Variants in MAP3K7 observed in about 807,000 individuals in gnomAD.
MAP3K7 encodes TGF-beta activated kinase 1.
A neutral mutation model predicts 84.8 loss-of-function variants in MAP3K7; 21 were observed. That is an observed-to-expected ratio of 0.25 (90% confidence interval 0.18 to 0.36). The LOEUF (loss-of-function observed/expected upper bound fraction) is 0.36. MAP3K7 is among the 10% of genes least tolerant of loss of function. The pLI is 1.00. For missense variants in MAP3K7, 503 were observed against 747.7 expected (o/e 0.67, Z 3.82); for synonymous variants, 241 against 247.7 (o/e 0.97, Z 0.25).
chr6:90,532,830 A>G (rs12175373), intron 13 of MAP3K7, among the ~76,000 whole-genome samples: 3,943 of 152,332 alleles, frequency 0.026, 63 homozygotes, highest in South Asian at 0.044. Flanking sequence ...ATCACTTAAC[A>G]ACTGTTTAAA....
chr6:90,529,060 G>A (rs1775412873), intron 13 of MAP3K7, among the ~76,000 whole-genome samples: 1 of 152,138 alleles, frequency 6.6e-6, no homozygotes, highest in South Asian at 2.1e-4. Context: ...TACAAGGCCA[G>A]ACCTTGTGTT....
chr6:90,571,053 T>G (rs1175714238), intron 2 of MAP3K7, among the ~76,000 whole-genome samples: 1 of 152,160 alleles, frequency 6.6e-6, no homozygotes, highest in African/African-American at 2.4e-5. Context: ...AACAGAGATA[T>G]AAATTCAGAA....
intron 15 of MAP3K7, 22 bp from the exon 16 acceptor site, chr6:90,518,584 A>G: frequency 8.1e-7 from 1 of 1,241,120 alleles, no homozygotes; most frequent in Non-Finnish European, 1.2e-6. Context: ...CAGGAATGTT[A>G]AAACATAATT....
chr6:90,519,134 T>A, intron 15 of MAP3K7, 124 bp downstream of exon 15: 1 of 631,286 alleles, frequency 1.6e-6, no homozygotes, highest in South Asian at 1.9e-5. Context: ...CTAAAAAGTT[T>A]AAGGAGGCCA....
intron 6 of MAP3K7, among the ~76,000 whole-genome samples, chr6:90,554,181 A>T (rs1323459292): frequency 6.6e-6 from 1 of 152,178 alleles, no homozygotes; most frequent in Non-Finnish European, 1.5e-5. Context: ...CGCTGGGATC[A>T]CAGGCATGAG....
At position 90,518,544 on chromosome 6, in the gene MAP3K7, T is replaced by C; in HGVS notation, c.1543A>G (p.Asn515Asp). The C allele has an allele frequency of 3.1e-6, 5 of 1,599,934 alleles. No homozygotes were observed. Among genetic ancestry groups the C allele is most frequent in the South Asian group, 1.1e-5 (1 of 90,252 alleles). Residue 515 changes from asparagine to aspartate, a missense_variant, in exon 16 of 17, where the codon AAC becomes GAC. Asn to Asp is a conservative substitution (Grantham distance 23). Around this residue, in one of 5 missense-constraint regions of MAP3K7, gnomAD observed 36 missense variants for 74.5 expected, o/e 0.48. Coordinates refer to ENST00000369329, the MANE Select transcript of MAP3K7 (RefSeq NM_145331.3). ...HQLQPLAPCP[N>D]SKESMAVFEQ... Reference sequence around the variant, plus strand: ...AACACTGCCATAGATTCTTTGGAGTTTGGGCACGGTGCTAGAGGCTGAAAA... The same window carrying C: ...AACACTGCCATAGATTCTTTGGAGTCTGGGCACGGTGCTAGAGGCTGAAAA...
chr6:90,555,974 CA>C (rs1776324913), intron 6 of MAP3K7, among the ~76,000 whole-genome samples: 1 of 152,114 alleles, frequency 6.6e-6, no homozygotes, highest in Non-Finnish European at 1.5e-5. Context: ...GCTTGAGGGC[CA>C]TTTTAAGTAG....
chr6:90,551,915 T>C (rs1776190734), intron 8 of MAP3K7, 134 bp downstream of exon 8: 1 of 925,734 alleles, frequency 1.1e-6, no homozygotes, highest in Non-Finnish European at 1.5e-6. Context: ...GAGTAATAAA[T>C]GCCCATTCTC....
At chr6:90,559,520 C>T (rs1776440823) in intron 5 of MAP3K7, among the ~76,000 whole-genome samples, 1 of 151,828 alleles carries the variant, frequency 6.6e-6, no homozygotes, top group African/African-American at 2.4e-5. Flanking sequence ...CAAACAAAAC[C>T]CCCAAAGTTT....
intron 5 of MAP3K7, among the ~76,000 whole-genome samples, chr6:90,559,247 C>T (rs1253792979): frequency 2.0e-5 from 3 of 152,012 alleles, no homozygotes; most frequent in African/African-American, 7.2e-5. Context: ...CAGATTAGAC[C>T]TGAGAGTGAC....
At chr6:90,532,188 T>C (rs566564287) in intron 13 of MAP3K7, among the ~76,000 whole-genome samples, 2 of 152,316 alleles carry the variant, frequency 1.3e-5, no homozygotes, top group East Asian at 3.9e-4. Context: ...ATAAGAGACC[T>C]TTAAAGCAAA....
chr6:90,570,395 A>C (rs1218027925), intron 2 of MAP3K7, among the ~76,000 whole-genome samples: 4 of 152,198 alleles, frequency 2.6e-5, no homozygotes, highest in Non-Finnish European at 5.9e-5. Context: ...CAAATGAGCT[A>C]ATCAAAGGAT....
chr6:90,556,307 G>C (rs1217018323), intron 6 of MAP3K7, among the ~76,000 whole-genome samples, 193 bp downstream of exon 6: 1 of 152,164 alleles, frequency 6.6e-6, no homozygotes, highest in Non-Finnish European at 1.5e-5. Flanking sequence ...CATATGCTTA[G>C]AAGCATAGAA....
rs1159926771 is a variant in MAP3K7 at position 90,586,836 on chromosome 6, A to G, written c.48T>C (p.Gly16=). The change falls in exon 1 of 17, where the codon GGT becomes GGC. Residue 16 remains glycine (G), a synonymous_variant. Coordinates refer to ENST00000369329, the MANE Select transcript of MAP3K7 (RefSeq NM_145331.3). ...CCTGGGAAGGGGCTTCGATCATCTC[A>G]CCGGCCGAAGACGAGGAGGAGGAGG... is the stretch of plus-strand genomic sequence containing the variant. ...AASSSSSSSA[G]EMIEAPSQVL... The G allele has an allele frequency of 6.2e-7, 1 of 1,610,716 alleles. No homozygotes were observed. Among genetic ancestry groups the G allele is most frequent in the South Asian group, 1.1e-5 (1 of 91,002 alleles).
chr6:90,577,471 AGTTGG>A (rs766422519), intron 1 of MAP3K7, among the ~76,000 whole-genome samples: 10,686 of 152,294 alleles, frequency 0.07, 370 homozygotes, highest in South Asian at 0.087. Context: ...CTAGTCAATC[AGTTGG>A]AAGAGGTAAC....
At chr6:90,582,425 G>A (rs1040503053) in intron 1 of MAP3K7, among the ~76,000 whole-genome samples, 1 of 152,200 alleles carries the variant, frequency 6.6e-6, no homozygotes, top group Non-Finnish European at 1.5e-5. Context: ...TGAATAAAGC[G>A]CCTTACATTT....
intron 1 of MAP3K7, among the ~76,000 whole-genome samples, chr6:90,576,356 G>A (rs759887666): frequency 2.3e-4 from 35 of 151,760 alleles, no homozygotes; most frequent in Non-Finnish European, 4.9e-4. Flanking sequence ...CTGAGAGGCC[G>A]AGGTTGCAGT....
intron 12 of MAP3K7, among the ~76,000 whole-genome samples, chr6:90,543,091 GT>G: frequency 5.4e-5 from 1 of 18,562 alleles, no homozygotes; most frequent in South Asian, 1.6e-3. Flanking sequence ...CAGTTCAGCG[GT>G]ATGTAAGTTT....
At position 90,516,075 on chromosome 6, in the gene MAP3K7, G is replaced by GA. The variant is rs1050040199; in HGVS notation, c.*425dup. ...TAACTTGGTATATACCATCTTTTGG[G>GA]AAAAAAATTATTAATATTTTGAGAT... On this transcript the variant is annotated 3_prime_UTR_variant, in exon 17 of 17. Coordinates refer to ENST00000369329, the MANE Select transcript of MAP3K7 (RefSeq NM_145331.3). The GA allele has an allele frequency of 1.0e-4, 19 of 182,522 alleles. No homozygotes were observed. Among genetic ancestry groups the GA allele is most frequent in the Admixed American group, 9.5e-4 (16 of 16,882 alleles). The allele number at this position is 182,522 out of a possible 1,614,324, so 11.3% of individuals were successfully genotyped here. A position where few individuals can be genotyped will look rare whatever the true frequency, so the allele number is the denominator to read the frequency against.
Sources: allele counts gnomAD v4.1 joint callset (sites outside exome capture counted in the v4.1 genomes callset), GRCh38; gene constraint gnomAD v4.1.1; regional missense constraint gnomAD v4.1.1; transcripts MANE v1.5; gene names NCBI Gene and HGNC (gene_info 2026-07-23, HGNC 2026-07-21).